ADGRL3: variants seen among roughly 807,000 people sequenced by gnomAD.
The protein encoded by ADGRL3 is adhesion G protein-coupled receptor L3.
A neutral mutation model predicts 153.5 loss-of-function variants in ADGRL3; 62 were observed. That is an observed-to-expected ratio of 0.40 (90% CI 0.33 to 0.50). The LOEUF (loss-of-function observed/expected upper bound fraction) is 0.50, where lower values mean the gene tolerates loss of function less well. Among genes scored for constraint, ADGRL3 ranks in the 20% least tolerant of loss-of-function variants. ADGRL3 has a pLI of 0.47. For synonymous variants in ADGRL3, 710 were observed against 672.5 expected, an observed-to-expected ratio of 1.06 and a Z score of -0.86; for missense variants, 1,641 against 1,859.4, an observed-to-expected ratio of 0.88 and a Z score of 2.16.
Position 61,912,763 on chromosome 4 carries a change from T to C in ADGRL3, c.2112+6T>C. ...CTTGCAGAGCCTATGTCCAGGTACT[T>C]TCTGCGTTTTTATAAATGTGTTAAG... On this transcript the variant is annotated splice_donor_region_variant and intron_variant, in intron 13 of 26. Transcript: ENST00000683033. The C allele has an allele frequency of 6.2e-7, 1 of 1,612,676 alleles. No individual in the cohort carries two copies. Among genetic ancestry groups the C allele is most frequent in the Non-Finnish European group, 8.5e-7 (1 of 1,179,062 alleles).
At chr4:61,370,598 T>G (rs1164317149) in intron 1 of ADGRL3, among the ~76,000 whole-genome samples, 2 of 152,146 alleles carry the variant, frequency 1.3e-5, no homozygotes, top group Non-Finnish European at 2.9e-5. Context: ...TGAGAGATAG[T>G]TTGTTATAAT....
intron 17 of ADGRL3, among the ~76,000 whole-genome samples, chr4:61,962,327 G>A (rs1186974530): frequency 6.6e-6 from 1 of 151,652 alleles, no homozygotes; most frequent in Non-Finnish European, 1.5e-5. Context: ...GAACATTATT[G>A]TTAACACAAA....
At chr4:61,675,291 G>T (rs918473136) in intron 5 of ADGRL3, among the ~76,000 whole-genome samples, 2 of 151,748 alleles carry the variant, frequency 1.3e-5, no homozygotes, top group African/African-American at 4.8e-5. Context: ...ATTAACAGAA[G>T]AATCTAGCCC....
At chr4:61,688,866 T>C (rs988527668) in intron 6 of ADGRL3, among the ~76,000 whole-genome samples, 4 of 152,210 alleles carry the variant, frequency 2.6e-5, no homozygotes, top group African/African-American at 9.6e-5. Flanking sequence ...GTCATACGAT[T>C]TAGCTCTTAA....
rs1368921729 is a variant in ADGRL3 at position 61,939,988 on chromosome 4, G to C, written c.2419+3943G>C. ...GTACATGTGCACATTGTGCAGGTTA[G>C]TTACATATGTATACATGTGCCATGC... On this transcript the variant is annotated intron_variant, in intron 15 of 26. Coordinates refer to ENST00000683033, the MANE Select transcript of ADGRL3 (RefSeq NM_001387552.1). Among the ~76,000 whole-genome samples the C allele has an allele frequency of 2.0e-5, 3 of 147,954 alleles. No individual in the cohort carries two copies. The East Asian group carries it at 6.0e-4, about 30-fold the overall frequency.
chr4:61,278,793 A>G (rs2093599186), intron 1 of ADGRL3, among the ~76,000 whole-genome samples: 1 of 152,216 alleles, frequency 6.6e-6, no homozygotes, highest in African/African-American at 2.4e-5. Flanking sequence ...GGTGTGAGCC[A>G]CTGCACCTGG....
chr4:61,317,103 A>C (rs2150667860), intron 1 of ADGRL3, among the ~76,000 whole-genome samples: 1 of 152,324 alleles, frequency 6.6e-6, no homozygotes, highest in African/African-American at 2.4e-5. Flanking sequence ...CTTGAAACTT[A>C]TGGAAATAAA....
intron 1 of ADGRL3, among the ~76,000 whole-genome samples, chr4:61,301,600 A>T (rs947753580): frequency 6.6e-6 from 1 of 152,192 alleles, no homozygotes; most frequent in Non-Finnish European, 1.5e-5. Flanking sequence ...TTTTAAACAC[A>T]CTTAGAACCA....
intron 1 of ADGRL3, among the ~76,000 whole-genome samples, chr4:61,354,572 GTC>G (rs1355114104): frequency 2.4e-5 from 2 of 83,282 alleles, no homozygotes; most frequent in African/African-American, 3.5e-5. Flanking sequence ...ATAAGACTTT[GTC>G]TGTGTGTGTG....
At chr4:61,990,673 T>A (rs1241764577) in intron 19 of ADGRL3, among the ~76,000 whole-genome samples, 4 of 151,992 alleles carry the variant, frequency 2.6e-5, no homozygotes, top group African/African-American at 9.7e-5. Context: ...TTCAGTAATC[T>A]GTGCATTATA....
At chr4:61,479,264 A>T (rs2098104946) in intron 2 of ADGRL3, among the ~76,000 whole-genome samples, 1 of 152,072 alleles carries the variant, frequency 6.6e-6, no homozygotes, top group African/African-American at 2.4e-5. Flanking sequence ...ATGCTAGAAA[A>T]TTTACATAAT....
At chr4:61,367,954 A>G (rs1221891972) in intron 1 of ADGRL3, among the ~76,000 whole-genome samples, 5 of 150,714 alleles carry the variant, frequency 3.3e-5, no homozygotes, top group Non-Finnish European at 5.9e-5. Context: ...ATGGTATCTC[A>G]TTGTGGTTTC....
chr4:61,577,020 G>A lies in ADGRL3; in HGVS notation c.260-10207G>A, dbSNP rs191069785. Reference sequence around the variant, plus strand: ...GTATTACCAAAGAAGTTATTACAAGGTCTCTGTTGTGGAAGATTTATGCTT... The same window carrying A: ...GTATTACCAAAGAAGTTATTACAAGATCTCTGTTGTGGAAGATTTATGCTT... On this transcript the variant is annotated intron_variant, in intron 4 of 26. Transcript: ENST00000683033. Among the ~76,000 whole-genome samples the A allele has an allele frequency of 2.0e-5, 3 of 152,072 alleles. No individual in the cohort carries two copies. The East Asian group carries it at 5.8e-4, about 29-fold the overall frequency.
intron 4 of ADGRL3, among the ~76,000 whole-genome samples, chr4:61,553,679 T>C (rs1490441676): frequency 2.6e-5 from 4 of 152,210 alleles, no homozygotes; most frequent in Non-Finnish European, 5.9e-5. Flanking sequence ...ATAATTTTAA[T>C]TCATTGCACA....
intron 5 of ADGRL3, among the ~76,000 whole-genome samples, chr4:61,626,596 T>C (rs2092845106): frequency 6.6e-6 from 1 of 152,112 alleles, no homozygotes; most frequent in Non-Finnish European, 1.5e-5. Context: ...AAGTTATGTT[T>C]ATATAAATCC....
intron 6 of ADGRL3, among the ~76,000 whole-genome samples, chr4:61,724,526 A>T (rs2096292839): frequency 6.6e-6 from 1 of 152,198 alleles, no homozygotes; most frequent in Non-Finnish European, 1.5e-5. Flanking sequence ...TCCAGGATGA[A>T]ATTCATTAGG....
chr4:61,912,536 C>A (rs1041377196), intron 12 of ADGRL3, among the ~76,000 whole-genome samples, 183 bp from the exon 13 acceptor site: 3 of 152,138 alleles, frequency 2.0e-5, no homozygotes, highest in African/African-American at 7.2e-5. Context: ...ATGTTGGCTA[C>A]TATTTTTTAA....
chr4:61,938,887 A>AAT (rs1553888031), intron 15 of ADGRL3, among the ~76,000 whole-genome samples: 11 of 138,432 alleles, frequency 7.9e-5, no homozygotes, highest in Admixed American at 2.1e-4. Context: ...AAAAAAAAAA[A>AAT]TTTTTTTTTT....
intron 4 of ADGRL3, among the ~76,000 whole-genome samples, chr4:61,578,781 CAT>C (rs1457198589): frequency 5.3e-5 from 8 of 152,092 alleles, no homozygotes; most frequent in South Asian, 4.1e-4. Flanking sequence ...CACACTAGCA[CAT>C]GTTTATTTGA....
Sources: allele counts gnomAD v4.1 joint callset (sites outside exome capture counted in the v4.1 genomes callset), GRCh38; gene constraint gnomAD v4.1.1; transcripts MANE v1.5; gene names NCBI Gene and HGNC (gene_info 2026-07-23, HGNC 2026-07-21).